Variants in PM20D1 observed in about 807,000 individuals in gnomAD.
The protein encoded by PM20D1 is N-fatty-acyl-amino acid synthase/hydrolase PM20D1.
Under a neutral mutation model 53.8 loss-of-function variants are expected in PM20D1, and 53 were observed. The ratio of observed to expected loss-of-function variants is 0.98; its 90% confidence interval spans 0.79 to 1.24. PM20D1 has a LOEUF of 1.24. Among genes scored for constraint, PM20D1 ranks in the 50% most tolerant of loss-of-function variants. The pLI is 0.00. For missense variants in PM20D1, 564 were observed against 616.8 expected (o/e 0.91, Z 0.91); for synonymous variants, 239 against 241.3 (o/e 0.99, Z 0.09).
rs112178399 is a variant in PM20D1, at chr1:205,841,638, C to T, written c.1044+173G>A. Among the ~76,000 whole-genome samples the T allele has an allele frequency of 1.9e-3, 290 of 152,238 alleles. 2 individuals are homozygous for T. Among genetic ancestry groups the T allele is most frequent in the African/African-American group, 6.3e-3 (263 of 41,530 alleles). ...GTTGTGCTGGTGGTACTGGCAGTTACAAGAATGGTCTAACTCCCTTCAAGA... is the reference window on the plus strand; with the variant it reads ...GTTGTGCTGGTGGTACTGGCAGTTATAAGAATGGTCTAACTCCCTTCAAGA... On this transcript the variant is annotated intron_variant, in intron 9 of 12. Transcript: ENST00000367136.
rs749484068 is a variant in PM20D1, at chr1:205,849,983, G to A, written c.90C>T (p.Ser30=). The A allele has an allele frequency of 9.3e-6, 15 of 1,613,996 alleles. No individual in the cohort carries two copies. The highest frequency in any genetic ancestry group is 1.7e-5 in the Admixed American group (1 of 59,998). The change falls in exon 1 of 13, where the codon AGC becomes AGT. Residue 30 remains serine (S), a synonymous_variant. Coordinates refer to ENST00000367136, the MANE Select transcript of PM20D1 (RefSeq NM_152491.5). ...TTCGCGACGCCCTTTGATGCTCCCC[G>A]CTCCTCGGGCCCATCGATCTGGAGA... is the stretch of plus-strand genomic sequence containing the variant. The part of the protein sequence containing the change: ...PTVSRSMGPR[S]GEHQRASRIP...
intron 6 of PM20D1, 41 bp from the exon 7 acceptor site, chr1:205,842,792 G>A (rs760737793): frequency 6.3e-7 from 1 of 1,587,822 alleles, no homozygotes; most frequent in South Asian, 1.1e-5. Context: ...GCGAACCCCA[G>A]CCAAAGATCA....
rs754157326 is a variant in PM20D1, at chr1:205,844,160, G to A, written c.634C>T (p.Leu212=). The change falls in exon 5 of 13, where the codon CTA becomes TTA. Residue 212 remains leucine (L), a synonymous_variant. Coordinates refer to ENST00000367136, the MANE Select transcript of PM20D1 (RefSeq NM_152491.5). ...CCCCCCTCGTCCACAATGAAGGCTA[G>A]CTGGACGCCCCTTGACTGTAGCAGG... ...SALLQSRGVQ[L]AFIVDEGGFI... The A allele has an allele frequency of 1.3e-5, 21 of 1,613,924 alleles. No homozygotes were observed. The highest frequency in any genetic ancestry group is 8.5e-6 in the Non-Finnish European group (10 of 1,179,974).
At position 205,839,718 on chromosome 1, in the gene PM20D1, GTACAAAAAA is replaced by G. The variant is rs561912248; in HGVS notation, c.1116+525_1116+533del. Among the ~76,000 whole-genome samples, 623 of 151,592 alleles carry G rather than the reference GTACAAAAAA, an allele frequency of 4.1e-3. 3 individuals carry two copies. The highest frequency in any genetic ancestry group is 0.024 in the South Asian group (113 of 4,774). ...ATACAAAAAATTACAAAAATACAAA[GTACAAAAAA>G]TACAAAAAATACAAAATACTGAAAA... is the stretch of plus-strand genomic sequence containing the variant. On this transcript the variant is annotated intron_variant, in intron 10 of 12. Transcript: ENST00000367136.
At chr1:205,838,308 G>C (rs905310784) in intron 10 of PM20D1, among the ~76,000 whole-genome samples, 1 of 152,178 alleles carries the variant, frequency 6.6e-6, no homozygotes, top group East Asian at 1.9e-4. Context: ...AGCTCAGCCT[G>C]ATGTTTAAAT....
chr1:205,842,789 C>T, intron 6 of PM20D1, 38 bp from the exon 7 acceptor site: 2 of 1,594,838 alleles, frequency 1.3e-6, no homozygotes, highest in Non-Finnish European at 1.7e-6. Context: ...TTAGCGAACC[C>T]CAGCCAAAGA....
intron 11 of PM20D1, 64 bp from the exon 12 acceptor site, chr1:205,830,443 G>C: frequency 8.2e-7 from 1 of 1,218,918 alleles, no homozygotes; most frequent in Non-Finnish European, 1.2e-6. Flanking sequence ...GAAGTGGCTG[G>C]GGTGTGGCCT....
intron 10 of PM20D1, among the ~76,000 whole-genome samples, chr1:205,833,415 C>G (rs1356502286): frequency 6.6e-6 from 1 of 152,218 alleles, no homozygotes; most frequent in Non-Finnish European, 1.5e-5. Flanking sequence ...AAGGGTCACA[C>G]ACTTTTTTCC....
In PM20D1 at chr1:205,842,176, G is replaced by A. The variant is rs1343002016; in HGVS notation, c.943C>T (p.Leu315=). 12 of 1,613,140 alleles carry A rather than the reference G, an allele frequency of 7.4e-6. No individual in the cohort carries two copies. In the Admixed American group the frequency reaches 2.0e-4, roughly 27 times the overall value. Residue 315 remains leucine (L), a synonymous_variant, in exon 8 of 13, where the codon CTA becomes TTA. Coordinates refer to ENST00000367136, the MANE Select transcript of PM20D1 (RefSeq NM_152491.5). ...PVNIILSNPW[L]FEPLISRFME... ...TACCTGCTTATAAGTGGTTCAAATA[G>A]CCATGGGTTGCTCAGGATTATATTG...
Position 205,849,984 on chromosome 1 carries a change from C to T in PM20D1, c.89G>A (p.Ser30Asn), listed in dbSNP as rs1657095912. 1 of 1,614,054 alleles carries T rather than the reference C, an allele frequency of 6.2e-7. No homozygotes were observed. The highest frequency in any genetic ancestry group is 8.5e-7 in the Non-Finnish European group (1 of 1,180,034). ...PTVSRSMGPR[S>N]GEHQRASRIP... The stretch of plus-strand genomic sequence containing the variant: ...TCGCGACGCCCTTTGATGCTCCCCG[C>T]TCCTCGGGCCCATCGATCTGGAGAC... Residue 30 changes from serine (S) to asparagine (N), a missense_variant, in exon 1 of 13, where the codon AGC (serine) becomes AAC (asparagine). Ser to Asn is a conservative substitution (Grantham distance 46). Coordinates refer to ENST00000367136, the MANE Select transcript of PM20D1 (RefSeq NM_152491.5).
intron 10 of PM20D1, among the ~76,000 whole-genome samples, chr1:205,835,651 CAAAA>C (rs59126866): frequency 1.6e-3 from 89 of 55,558 alleles, no homozygotes; most frequent in African/African-American, 6.4e-3. Flanking sequence ...GACTCCGACT[CAAAA>C]AAAAAAAAAA....
Position 205,844,203 on chromosome 1 carries a change from C to T in PM20D1, c.591G>A (p.Gly197=). Residue 197 remains glycine, a synonymous_variant, in exon 5 of 13, where the codon GGG becomes GGA. Transcript: ENST00000367136. ...LGHDEESSGT[G]AQRISALLQS... Reference sequence around the variant, plus strand: ...GTAGCAGGGCTGAGATCCTCTGAGCCCCTGTCCCTGATGACTGCAGACATG... The same window carrying T: ...GTAGCAGGGCTGAGATCCTCTGAGCTCCTGTCCCTGATGACTGCAGACATG... 9.9e-6 allele frequency: 16 copies of T among 1,611,436 alleles called. No homozygotes were observed. The highest frequency in any genetic ancestry group is 1.4e-5 in the Non-Finnish European group (16 of 1,178,586).
intron 10 of PM20D1, 72 bp from the exon 11 acceptor site, chr1:205,832,838 C>A (rs1165411719): frequency 2.1e-6 from 3 of 1,454,432 alleles, no homozygotes; most frequent in East Asian, 5.0e-5. Context: ...GCTTAAATAT[C>A]CTGATTTCTT....
At position 205,828,314 on chromosome 1, in the gene PM20D1, A is replaced by G. The variant is rs569503519; in HGVS notation, c.*306T>C. The G allele has an allele frequency of 4.1e-6, 1 of 243,744 alleles. No individual in the cohort carries two copies. Among genetic ancestry groups the G allele is most frequent in the Non-Finnish European group, 7.9e-6 (1 of 126,328 alleles). The allele number at this position is 243,744 out of a possible 1,614,324, so 15.1% of individuals were successfully genotyped here. A position where few individuals can be genotyped will look rare whatever the true frequency, so the allele number is the denominator to read the frequency against. On this transcript the variant is annotated 3_prime_UTR_variant, in exon 13 of 13. Transcript: ENST00000367136. ...CAACTGGTTGAGATTTCTCAAATCTACATTTGTTAAGTCAAGCCTGGAAGG... is the reference window on the plus strand; with the variant it reads ...CAACTGGTTGAGATTTCTCAAATCTGCATTTGTTAAGTCAAGCCTGGAAGG...
At position 205,844,877 on chromosome 1, in the gene PM20D1, C is replaced by G. The variant is rs1159133404; in HGVS notation, c.510G>C (p.Glu170Asp). 1 of 1,613,682 alleles carries G rather than the reference C, an allele frequency of 6.2e-7. No homozygotes were observed. The highest frequency in any genetic ancestry group is 1.1e-5 in the South Asian group (1 of 91,064). ...GGATGTACTTCCTGATCAGCAGGAGCTCCAAGGCCTGCAGTAATGCCTGGG... is the reference window on the plus strand; with the variant it reads ...GGATGTACTTCCTGATCAGCAGGAGGTCCAAGGCCTGCAGTAATGCCTGGG... Reference protein sequence around the residue: ...NSVMALLQALELLLIRKYIPR... With the variant: ...NSVMALLQALDLLLIRKYIPR... The change falls in exon 4 of 13, where the codon GAG (glutamate) becomes GAC (aspartate). Residue 170 changes from glutamate to aspartate, a missense_variant. Transcript: ENST00000367136.
chr1:205,846,857 G>T (rs1425847757), intron 2 of PM20D1, among the ~76,000 whole-genome samples: 1 of 151,940 alleles, frequency 6.6e-6, no homozygotes, highest in Non-Finnish European at 1.5e-5. Flanking sequence ...TTGTCACCTA[G>T]CTTATCCAGT....
chr1:205,838,571 C>T (rs1411641603), intron 10 of PM20D1, among the ~76,000 whole-genome samples: 4 of 152,194 alleles, frequency 2.6e-5, no homozygotes, highest in African/African-American at 4.8e-5. Flanking sequence ...TCTTTTCTCT[C>T]CTAGCTCTCT....
chr1:205,841,848 G>A lies in PM20D1; in HGVS notation c.1007C>T (p.Thr336Ile). ...RNPLTNAIIRTTTALTIFKAG... is the reference protein window; with the variant it reads ...RNPLTNAIIRITTALTIFKAG... ...TTTGAATATGGTGAGTGCCGTGGTG[G>A]TCCTGATTATTGCATTGGTTAAGGG... is the stretch of plus-strand genomic sequence containing the variant. Residue 336 changes from threonine (T) to isoleucine (I), a missense_variant, in exon 9 of 13, where the codon ACC (threonine) becomes ATC (isoleucine). Coordinates refer to ENST00000367136, the MANE Select transcript of PM20D1 (RefSeq NM_152491.5). 1.3e-6 allele frequency: 2 copies of A among 1,569,528 alleles called. No individual in the cohort carries two copies. The highest frequency in any genetic ancestry group is 1.2e-5 in the South Asian group (1 of 85,864).
In PM20D1 at chr1:205,842,768, G is replaced by A. The variant is rs1351966315; in HGVS notation, c.828-17C>T. The A allele has an allele frequency of 6.2e-7, 1 of 1,612,928 alleles. No homozygotes were observed. Among genetic ancestry groups the A allele is most frequent in the African/African-American group, 1.3e-5 (1 of 74,912 alleles). On this transcript the variant is annotated splice_polypyrimidine_tract_variant and intron_variant, in intron 6 of 12. Transcript: ENST00000367136. ...TGCTCCAATCTGGAAGAGAAACAGA[G>A]TCCTCAAGACTTAGCGAACCCCAGC...
Sources: allele counts gnomAD v4.1 joint callset (sites outside exome capture counted in the v4.1 genomes callset), GRCh38; gene constraint gnomAD v4.1.1; transcripts MANE v1.5; gene names NCBI Gene and HGNC (gene_info 2026-07-23, HGNC 2026-07-21).